The following CORO2A variants were observed in gnomAD, a reference collection of about 807,000 sequenced individuals.
CORO2A encodes the protein coronin 2A.
Under a neutral mutation model 62.4 loss-of-function variants are expected in CORO2A, and 47 were observed. That is an observed-to-expected ratio of 0.75 (90% CI 0.60 to 0.96). The LOEUF is 0.96. Among genes scored for constraint, CORO2A ranks in the 40% least tolerant of loss-of-function variants. The pLI is 0.00. For missense variants in CORO2A, 610 were observed against 684.1 expected (o/e 0.89, Z 1.21); for synonymous variants, 273 against 268.9 (o/e 1.02, Z -0.15).
At chr9:98,155,063 C>G (rs1222855496) in intron 2 of CORO2A, among the ~76,000 whole-genome samples, 1 of 152,154 alleles carries the variant, frequency 6.6e-6, no homozygotes, top group Non-Finnish European at 1.5e-5. Context: ...TTACACAACT[C>G]TGTATACTTG....
At chr9:98,147,255 TATTATTAATGTGATC>T (rs939209002) in intron 2 of CORO2A, among the ~76,000 whole-genome samples, 5 of 152,110 alleles carry the variant, frequency 3.3e-5, no homozygotes, top group African/African-American at 1.2e-4. Flanking sequence ...ACACAAGAGT[TATTATTAATGTGATC>T]CTGGCATTAT....
intron 4 of CORO2A, among the ~76,000 whole-genome samples, chr9:98,133,930 A>AT (rs938805702): frequency 7.9e-5 from 12 of 151,358 alleles, no homozygotes; most frequent in African/African-American, 1.7e-4. Context: ...AATTTTTTCT[A>AT]TTTTTTTGTA....
intron 2 of CORO2A, among the ~76,000 whole-genome samples, chr9:98,152,108 C>T (rs2118861182): frequency 6.7e-6 from 1 of 149,748 alleles, no homozygotes; most frequent in East Asian, 2.0e-4. Flanking sequence ...TGAGCCACTG[C>T]ACCCGGCCTC....
chr9:98,151,905 C>A (rs886998179), intron 2 of CORO2A, among the ~76,000 whole-genome samples: 1 of 151,512 alleles, frequency 6.6e-6, no homozygotes, highest in African/African-American at 2.4e-5. Context: ...CAAGCTCTGC[C>A]TCCCGGGTTC....
At chr9:98,186,802 C>T (rs1038510021) in intron 1 of CORO2A, among the ~76,000 whole-genome samples, 1 of 151,974 alleles carries the variant, frequency 6.6e-6, no homozygotes, top group African/African-American at 2.4e-5. Flanking sequence ...AATATATAAG[C>T]CCAGGGTCAG....
chr9:98,128,392 G>T (rs894027118), intron 9 of CORO2A, 132 bp from the exon 10 acceptor site: 9 of 845,980 alleles, frequency 1.1e-5, no homozygotes, highest in Non-Finnish European at 1.7e-5. Flanking sequence ...AGAGAACAAA[G>T]GGACTTGCCC....
At chr9:98,142,111 G>A (rs1347126424) in intron 2 of CORO2A, among the ~76,000 whole-genome samples, 1 of 152,194 alleles carries the variant, frequency 6.6e-6, no homozygotes, top group African/African-American at 2.4e-5. Context: ...GGTCCATCCA[G>A]GATTAGCCAA....
At chr9:98,148,414 G>GATAA (rs1161526428) in intron 2 of CORO2A, among the ~76,000 whole-genome samples, 1 of 139,194 alleles carries the variant, frequency 7.2e-6, no homozygotes, top group East Asian at 2.1e-4. Context: ...AAAAAAATAA[G>GATAA]ATAAATAAAT....
chr9:98,164,092 A>T (rs1473010843), intron 1 of CORO2A, among the ~76,000 whole-genome samples: 6 of 152,228 alleles, frequency 3.9e-5, no homozygotes, highest in Non-Finnish European at 8.8e-5. Flanking sequence ...TTGTGGGCAC[A>T]GTGAGCTGCC....
chr9:98,182,450 G>A (rs968202719), intron 1 of CORO2A, among the ~76,000 whole-genome samples: 1 of 152,054 alleles, frequency 6.6e-6, no homozygotes, highest in African/African-American at 2.4e-5. Context: ...TATCTCCCCA[G>A]CCCTCCTCCA....
At chr9:98,149,057 T>C (rs1162221996) in intron 2 of CORO2A, among the ~76,000 whole-genome samples, 4 of 152,160 alleles carry the variant, frequency 2.6e-5, no homozygotes, top group Non-Finnish European at 4.4e-5. Context: ...ACTGTAGTGA[T>C]GCCAGTATCA....
At position 98,162,785 on chromosome 9, in the gene CORO2A, G is replaced by A. The variant is rs564882606; in HGVS notation, c.1-5125C>T. ...TATATACACATGCATGAGCGCATGC[G>A]TGTATCCGTGCATGCATGACTTTAA... On this transcript the variant is annotated intron_variant, in intron 1 of 11. Transcript: ENST00000375077. Among the ~76,000 whole-genome samples the A allele has an allele frequency of 1.1e-4, 17 of 152,348 alleles. 1 individual carries two copies. Among genetic ancestry groups the A allele is most frequent in the Admixed American group, 8.5e-4 (13 of 15,306 alleles).
At chr9:98,185,473 A>G (rs1483336485) in intron 1 of CORO2A, among the ~76,000 whole-genome samples, 1 of 152,252 alleles carries the variant, frequency 6.6e-6, no homozygotes, top group Non-Finnish European at 1.5e-5. Context: ...CTCCTTCTTC[A>G]GAGGCCTGGG....
intron 3 of CORO2A, among the ~76,000 whole-genome samples, chr9:98,136,886 C>T (rs988868849): frequency 6.6e-6 from 1 of 152,186 alleles, no homozygotes; most frequent in Non-Finnish European, 1.5e-5. Context: ...CAGGGTCTCA[C>T]TATGTTGCCT....
chr9:98,165,887 G>C (rs1006941505), intron 1 of CORO2A, among the ~76,000 whole-genome samples: 2 of 152,140 alleles, frequency 1.3e-5, no homozygotes, highest in African/African-American at 4.8e-5. Context: ...CTGGGGGTGG[G>C]GCTCACCACT....
intron 1 of CORO2A, among the ~76,000 whole-genome samples, chr9:98,188,841 A>T (rs1588018606): frequency 6.6e-6 from 1 of 152,156 alleles, no homozygotes; most frequent in Non-Finnish European, 1.5e-5. Flanking sequence ...AACTAGTACA[A>T]TGTAGGTGCT....
At chr9:98,176,132 G>T (rs775365288) in intron 1 of CORO2A, among the ~76,000 whole-genome samples, 2 of 152,134 alleles carry the variant, frequency 1.3e-5, no homozygotes, top group African/African-American at 2.4e-5. Context: ...CATTCGGCGG[G>T]GGGTGAGGGG....
rs1374515072 is a variant in CORO2A at position 98,128,598 on chromosome 9, TGCCCTTACCC to T, written c.1079_1080+8del. The T allele has an allele frequency of 3.1e-6, 5 of 1,612,408 alleles. No individual in the cohort carries two copies. Among genetic ancestry groups the T allele is most frequent in the Non-Finnish European group, 4.2e-6 (5 of 1,178,518 alleles). On this transcript the variant is annotated splice_donor_variant and splice_donor_5th_base_variant and coding_sequence_variant and intron_variant, in exon 9 of 12. Coordinates refer to ENST00000375077, the MANE Select transcript of CORO2A (RefSeq NM_052820.4). LOFTEE classifies it high-confidence loss of function. ...CACCTGCCTCCCATGCGGTCCCGACTGCCCTTACCCGCCGGGGCACAATCATGGAGATGGG... is the reference window on the plus strand; with the variant it reads ...CACCTGCCTCCCATGCGGTCCCGACTGCCGGGGCACAATCATGGAGATGGG...
At chr9:98,168,682 T>C (rs1051295157) in intron 1 of CORO2A, among the ~76,000 whole-genome samples, 1 of 152,234 alleles carries the variant, frequency 6.6e-6, no homozygotes, top group Non-Finnish European at 1.5e-5. Context: ...AGTAAGATTG[T>C]TGTGGTCCCA....
Sources: allele counts gnomAD v4.1 joint callset (sites outside exome capture counted in the v4.1 genomes callset), GRCh38; gene constraint gnomAD v4.1.1; transcripts MANE v1.5; gene names NCBI Gene and HGNC (gene_info 2026-07-23, HGNC 2026-07-21).